The following RREB1 variants were observed in gnomAD, a reference collection of about 807,000 sequenced individuals.
The protein encoded by RREB1 is ras responsive element binding protein 1.
In RREB1, 27 loss-of-function variants were observed where a neutral mutation model predicts 117.8. The observed-to-expected ratio is 0.23, with a 90% CI of 0.17 to 0.32. The LOEUF is 0.32. Among genes scored for constraint, RREB1 ranks in the 10% least tolerant of loss-of-function variants. The pLI is 1.00. For synonymous variants in RREB1, 1,298 were observed against 1,026.7 expected (o/e 1.26, Z -5.05); for missense variants, 2,577 against 2,378.2 (o/e 1.08, Z -1.74).
chr6:7,157,889 G>T (rs1763460543), intron 1 of RREB1, among the ~76,000 whole-genome samples: 1 of 151,752 alleles, frequency 6.6e-6, no homozygotes, highest in Admixed American at 6.6e-5. Context: ...CTTCACATTT[G>T]TCTGGATTCC....
At position 7,246,808 on chromosome 6, in the gene RREB1, G is replaced by C; in HGVS notation, c.4358G>C (p.Cys1453Ser). The C allele has an allele frequency of 5.8e-6, 9 of 1,553,856 alleles. No individual in the cohort carries two copies. The highest frequency in any genetic ancestry group is 7.8e-6 in the Non-Finnish European group (9 of 1,149,156). Residue 1453 changes from cysteine to serine, a missense_variant, in exon 12 of 13, where the codon TGT (cysteine) becomes TCT (serine). By Grantham distance (112) the Cys-to-Ser change is moderately radical. Transcript: ENST00000379938. ...GAGCAGAAGCTCGCCTGCGACACCT[G>C]TGGGAAGAGCTTCAAGTTCCTGGGC... ...SQEQKLACDT[C>S]GKSFKFLGTL...
chr6:7,180,706 G>T (rs897633883), intron 2 of RREB1, among the ~76,000 whole-genome samples: 1 of 152,230 alleles, frequency 6.6e-6, no homozygotes, highest in African/African-American at 2.4e-5. Context: ...TCTGTCCTGA[G>T]AGTGTCTAAA....
At chr6:7,117,096 G>A (rs1198407747) in intron 1 of RREB1, among the ~76,000 whole-genome samples, 5 of 152,126 alleles carry the variant, frequency 3.3e-5, no homozygotes, top group Non-Finnish European at 4.4e-5. Flanking sequence ...AAATCTACAG[G>A]GTATAAATCT....
At chr6:7,132,530 C>T (rs564949220) in intron 1 of RREB1, among the ~76,000 whole-genome samples, 1 of 152,332 alleles carries the variant, frequency 6.6e-6, no homozygotes, top group African/African-American at 2.4e-5. Flanking sequence ...TAGTGCCTGG[C>T]ACATACTAGG....
intron 1 of RREB1, among the ~76,000 whole-genome samples, chr6:7,170,169 C>T (rs1486431095): frequency 3.3e-5 from 5 of 152,166 alleles, no homozygotes; most frequent in Admixed American, 2.6e-4. Context: ...TCAAGACCAG[C>T]GGGGTATTTG....
In RREB1 at chr6:7,188,836, C is replaced by T. The variant is rs116197213; in HGVS notation, c.262-323C>T. Among the ~76,000 whole-genome samples, 1,362 of 152,188 alleles carry T rather than the reference C, an allele frequency of 8.9e-3. 19 individuals are homozygous for T. Among genetic ancestry groups the T allele is most frequent in the African/African-American group, 0.031 (1,275 of 41,498 alleles). ...ATTTCCTTCACTGTTGAGTGTCCTTCGGCTTGTAGGAGTTAATATATGTGG... is the reference window on the plus strand; with the variant it reads ...ATTTCCTTCACTGTTGAGTGTCCTTTGGCTTGTAGGAGTTAATATATGTGG... On this transcript the variant is annotated intron_variant, in intron 5 of 12. Coordinates refer to ENST00000379938, the MANE Select transcript of RREB1 (RefSeq NM_001003699.4).
intron 1 of RREB1, among the ~76,000 whole-genome samples, chr6:7,155,283 T>C (rs1467111729): frequency 6.6e-6 from 1 of 152,204 alleles, no homozygotes; most frequent in South Asian, 2.1e-4. Context: ...ATGAAGTCTT[T>C]ATGAGCTGGA....
intron 1 of RREB1, among the ~76,000 whole-genome samples, chr6:7,134,542 G>C (rs955884452): frequency 6.6e-6 from 1 of 152,170 alleles, no homozygotes; most frequent in Non-Finnish European, 1.5e-5. Flanking sequence ...TCCAGACCAA[G>C]TGTGATTTTA....
chr6:7,172,387 C>T (rs1764257677), intron 1 of RREB1, among the ~76,000 whole-genome samples: 1 of 151,630 alleles, frequency 6.6e-6, no homozygotes, highest in South Asian at 2.1e-4. Flanking sequence ...GTGGCCTGTA[C>T]CAAGGGATGC....
At chr6:7,125,572 A>T (rs1425581688) in intron 1 of RREB1, among the ~76,000 whole-genome samples, 1 of 152,176 alleles carries the variant, frequency 6.6e-6, no homozygotes, top group Non-Finnish European at 1.5e-5. Context: ...CTCTATAAGC[A>T]TTTGGGAATT....
intron 1 of RREB1, among the ~76,000 whole-genome samples, chr6:7,112,858 G>A (rs972843831): frequency 2.0e-5 from 3 of 152,220 alleles, no homozygotes; most frequent in African/African-American, 7.2e-5. Context: ...GTTCAGCGTG[G>A]TCTGAACTGC....
Position 7,231,335 on chromosome 6 carries a change from C to A in RREB1, c.3236C>A (p.Pro1079His), listed in dbSNP as rs745590907. The part of the protein sequence containing the change: ...AQIISSVSSA[P>H]TLLKTKVADP... ...ATCATCTCATCTGTATCCTCGGCCC[C>A]CACCCTGCTGAAAACCAAGGTGGCG... The change falls in exon 10 of 13, where the codon CCC becomes CAC. Residue 1079 changes from proline (P) to histidine (H), a missense_variant. Transcript: ENST00000379938. The A allele has an allele frequency of 6.2e-7, 1 of 1,611,766 alleles. No individual in the cohort carries two copies. The highest frequency in any genetic ancestry group is 1.1e-5 in the South Asian group (1 of 90,900).
chr6:7,174,983 A>G (rs1764427243), intron 1 of RREB1, among the ~76,000 whole-genome samples: 1 of 152,038 alleles, frequency 6.6e-6, no homozygotes, highest in Non-Finnish European at 1.5e-5. Context: ...ATTATGAGTA[A>G]AACTATGGTT....
At chr6:7,207,825 A>T (rs1766363190) in intron 6 of RREB1, among the ~76,000 whole-genome samples, 1 of 152,266 alleles carries the variant, frequency 6.6e-6, no homozygotes, top group Non-Finnish European at 1.5e-5. Context: ...GCTGCCACGC[A>T]GATGAGAACA....
chr6:7,107,900 G>C (rs1424960038), upstream of RREB1: 1 of 152,982 alleles, frequency 6.5e-6, no homozygotes, highest in Non-Finnish European at 1.5e-5. Context: ...TGTGGGAGAA[G>C]AGGAGGAGGG....
chr6:7,231,476 C>T lies in RREB1; in HGVS notation c.3377C>T (p.Ser1126Phe), dbSNP rs1364453299. Reference protein sequence around the residue: ...TPAATTSPKESSEPPAPASSP... With the variant: ...TPAATTSPKEFSEPPAPASSP... ...GCTGCCACCACCAGCCCAAAAGAGT[C>T]TAGTGAGCCTCCCGCTCCAGCCAGC... The change falls in exon 10 of 13, where the codon TCT becomes TTT. Residue 1126 changes from serine to phenylalanine, a missense_variant. Ser to Phe is a radical substitution (Grantham distance 155). Coordinates refer to ENST00000379938, the MANE Select transcript of RREB1 (RefSeq NM_001003699.4). 2.5e-6 allele frequency: 4 copies of T among 1,612,590 alleles called. No individual in the cohort carries two copies. Among genetic ancestry groups the T allele is most frequent in the Non-Finnish European group, 2.5e-6 (3 of 1,179,562 alleles).
intron 10 of RREB1, 112 bp from the exon 11 acceptor site, chr6:7,240,326 A>G (rs913587518): frequency 1.1e-4 from 73 of 665,422 alleles, no homozygotes; most frequent in Middle Eastern, 3.2e-4. Flanking sequence ...TCTTGAAGGG[A>G]TGGAGGAGGG....
intron 5 of RREB1, among the ~76,000 whole-genome samples, chr6:7,188,008 A>G (rs902318532): frequency 6.6e-6 from 1 of 151,986 alleles, no homozygotes; most frequent in Non-Finnish European, 1.5e-5. Context: ...ATCTCTACCA[A>G]AAATGCAAAA....
At chr6:7,156,621 G>C (rs1004633709) in intron 1 of RREB1, among the ~76,000 whole-genome samples, 5 of 152,206 alleles carry the variant, frequency 3.3e-5, no homozygotes, top group African/African-American at 9.7e-5. Context: ...TCCTTTTGGA[G>C]ACCTGGTGCC....
Sources: allele counts gnomAD v4.1 joint callset (sites outside exome capture counted in the v4.1 genomes callset), GRCh38; gene constraint gnomAD v4.1.1; transcripts MANE v1.5; gene names NCBI Gene and HGNC (gene_info 2026-07-23, HGNC 2026-07-21).